Variants in MAP3K5 observed in about 807,000 individuals in gnomAD.
MAP3K5 encodes ASK-1.
In MAP3K5, 56 loss-of-function variants were observed where a neutral mutation model predicts 158.7. The observed-to-expected ratio is 0.35, with a 90% CI of 0.28 to 0.44. The LOEUF is 0.44. Among genes scored for constraint, MAP3K5 ranks in the 20% least tolerant of loss-of-function variants. The pLI is 1.00. For synonymous variants in MAP3K5, 579 were observed against 601.7 expected (o/e 0.96, Z 0.55); for missense variants, 1,294 against 1,674.8 (o/e 0.77, Z 3.97).
chr6:136,613,091 T>C lies in MAP3K5; in HGVS notation c.2415+29A>G, dbSNP rs1776413196. On this transcript the variant is annotated intron_variant, in intron 17 of 29. Transcript: ENST00000359015. This position sits in a 1 kb window ranked among gnomAD's most constrained non-coding sequence, Gnocchi z 4.0. Reference sequence around the variant, plus strand: ...AATAATAACCCAGCAAAGAAAGAACTCATGAAAATGAATGCTGGTGTACCT... The same window carrying C: ...AATAATAACCCAGCAAAGAAAGAACCCATGAAAATGAATGCTGGTGTACCT... 6.4e-7 allele frequency: 1 copy of C among 1,567,442 alleles called. No homozygotes were observed. The highest frequency in any genetic ancestry group is 8.6e-7 in the Non-Finnish European group (1 of 1,158,574).
At chr6:136,726,238 G>T (rs1380630718) in intron 1 of MAP3K5, among the ~76,000 whole-genome samples, 1 of 152,170 alleles carries the variant, frequency 6.6e-6, no homozygotes, top group Non-Finnish European at 1.5e-5. Context: ...CTGGGATTTT[G>T]ATTGGAATTG....
chr6:136,646,766 T>C (rs1778278486), intron 11 of MAP3K5, among the ~76,000 whole-genome samples: 3 of 152,254 alleles, frequency 2.0e-5, no homozygotes, highest in Admixed American at 1.3e-4. Context: ...TGTGTATACT[T>C]GCATACATGC....
At chr6:136,653,522 C>T (rs984089322) in intron 10 of MAP3K5, among the ~76,000 whole-genome samples, 108 of 152,168 alleles carry the variant, frequency 7.1e-4, no homozygotes, top group Non-Finnish European at 3.7e-4. Flanking sequence ...CGACCAAGAT[C>T]GCCCCACAGG....
At chr6:136,786,418 A>G (rs907685533) in intron 1 of MAP3K5, among the ~76,000 whole-genome samples, 2 of 150,862 alleles carry the variant, frequency 1.3e-5, no homozygotes, top group Non-Finnish European at 1.5e-5. Context: ...AAAGCTTCCC[A>G]TTTGGGATCT....
At chr6:136,785,808 A>C (rs1322342398) in intron 1 of MAP3K5, among the ~76,000 whole-genome samples, 1 of 152,178 alleles carries the variant, frequency 6.6e-6, no homozygotes, top group Admixed American at 6.6e-5. Context: ...AGCAAAAGTC[A>C]CTGCTCTAAT....
chr6:136,627,495 G>A (rs1158655420), intron 14 of MAP3K5, among the ~76,000 whole-genome samples: 2 of 152,148 alleles, frequency 1.3e-5, no homozygotes, highest in African/African-American at 2.4e-5. Context: ...CTGAATGTTT[G>A]CGTACCCCCC....
intron 17 of MAP3K5, among the ~76,000 whole-genome samples, 166 bp from the exon 18 acceptor site, chr6:136,611,553 A>G (rs1281866405): frequency 1.3e-5 from 2 of 152,204 alleles, no homozygotes; most frequent in East Asian, 3.8e-4. Context: ...CATTCTTGAC[A>G]CTATTTTTTG....
intron 1 of MAP3K5, among the ~76,000 whole-genome samples, chr6:136,776,509 T>C (rs1002550894): frequency 5.3e-5 from 8 of 152,196 alleles, no homozygotes; most frequent in Non-Finnish European, 1.2e-4. Flanking sequence ...CCTCCCAAAG[T>C]GCTGGGATTA....
At chr6:136,630,277 T>C (rs981782926) in intron 14 of MAP3K5, 5 of 152,356 alleles carry the variant, frequency 3.3e-5, no homozygotes, top group African/African-American at 1.2e-4. Flanking sequence ...TCCAATCTCT[T>C]CTGATCTCGG....
rs149659394 is a variant in MAP3K5, at chr6:136,634,537, G to A, written c.2016+2788C>T. ...GTCAGAAATTTTACATTATTCTAAT[G>A]AAATGCAAAGGATAGAAATGTAAGA... On this transcript the variant is annotated intron_variant, in intron 14 of 29. Coordinates refer to ENST00000359015, the MANE Select transcript of MAP3K5 (RefSeq NM_005923.4). Among the ~76,000 whole-genome samples the A allele has an allele frequency of 1.1e-3, 173 of 152,172 alleles. 3 individuals carry two copies. The East Asian group carries it at 0.03, about 27-fold the overall frequency.
Position 136,580,346 on chromosome 6 carries a change from T to C in MAP3K5, c.3472A>G (p.Ile1158Val), listed in dbSNP as rs1399052248. Residue 1158 changes from isoleucine (I) to valine (V), a missense_variant, in exon 25 of 30, where the codon ATC (isoleucine) becomes GTC (valine). Physicochemically the swap from Ile to Val is conservative, Grantham distance 29. This residue lies in a region of MAP3K5 where 362 missense variants were observed against 463.2 expected (regional missense o/e 0.78). Transcript: ENST00000359015. ...KPHWMFALDS[I>V]IRKAVQTAIT... ...GCTGTCTGTACCGCCTTCCGAATGA[T>C]ACTGTCTAAGGCAAACATCCAGTGC... 4 of 1,613,756 alleles carry C rather than the reference T, an allele frequency of 2.5e-6. No individual in the cohort carries two copies. The highest frequency in any genetic ancestry group is 3.4e-6 in the Non-Finnish European group (4 of 1,179,758).
intron 14 of MAP3K5, among the ~76,000 whole-genome samples, chr6:136,628,144 C>T (rs1360545754): frequency 7.3e-5 from 11 of 150,540 alleles, no homozygotes; most frequent in African/African-American, 2.2e-4. Context: ...GAGTGTTTTG[C>T]TCTGTCGCCT....
At chr6:136,671,578 G>C (rs550324596) in intron 7 of MAP3K5, among the ~76,000 whole-genome samples, 1 of 152,246 alleles carries the variant, frequency 6.6e-6, no homozygotes, top group African/African-American at 2.4e-5. Flanking sequence ...CAGTATTCTT[G>C]GCAGAAATTT....
chr6:136,722,564 C>T, intron 1 of MAP3K5, among the ~76,000 whole-genome samples: 1 of 151,848 alleles, frequency 6.6e-6, no homozygotes, highest in South Asian at 2.1e-4. Flanking sequence ...CTATAAAATG[C>T]CAATTGTTTT....
intron 1 of MAP3K5, among the ~76,000 whole-genome samples, chr6:136,739,264 G>A (rs527603270): frequency 1.8e-4 from 28 of 152,282 alleles, no homozygotes; most frequent in African/African-American, 6.5e-4. Context: ...TGCTATGCCT[G>A]GGGTGTAGCT....
At chr6:136,601,159 A>T in intron 20 of MAP3K5, 117 bp from the exon 21 acceptor site, 1 of 882,628 alleles carries the variant, frequency 1.1e-6, no homozygotes, top group African/African-American at 1.7e-5. Flanking sequence ...CAAACATTCA[A>T]TCTGCCCATT....
intron 3 of MAP3K5, among the ~76,000 whole-genome samples, chr6:136,700,697 A>G (rs1302266085): frequency 6.6e-6 from 1 of 152,228 alleles, no homozygotes; most frequent in East Asian, 1.9e-4. Flanking sequence ...AATGTCCAAA[A>G]GAGAGCTAGA....
intron 11 of MAP3K5, among the ~76,000 whole-genome samples, chr6:136,645,934 C>T (rs1490781172): frequency 1.3e-5 from 2 of 152,088 alleles, no homozygotes; most frequent in African/African-American, 4.8e-5. Flanking sequence ...AAAAACAACC[C>T]ATTTTTAGTT....
intron 7 of MAP3K5, among the ~76,000 whole-genome samples, chr6:136,688,938 G>A (rs953252723): frequency 2.0e-5 from 3 of 151,920 alleles, no homozygotes; most frequent in Middle Eastern, 3.2e-3. Flanking sequence ...TTTTCATAAA[G>A]TGTAAACATC....
Sources: allele counts gnomAD v4.1 joint callset (sites outside exome capture counted in the v4.1 genomes callset), GRCh38; gene constraint gnomAD v4.1.1; regional missense constraint gnomAD v4.1.1; non-coding constraint Gnocchi (gnomAD v3.1); transcripts MANE v1.5; gene names NCBI Gene and HGNC (gene_info 2026-07-23, HGNC 2026-07-21).